The following PPP3CA variants were observed in gnomAD, a reference collection of about 807,000 sequenced individuals.
PPP3CA encodes the protein CAM-PRP catalytic subunit.
PPP3CA carries 14 observed loss-of-function variants against 66.5 expected under a neutral mutation model. The ratio of observed to expected loss-of-function variants is 0.21; its 90% CI spans 0.14 to 0.33. The LOEUF is 0.33. Ranked by LOEUF, PPP3CA falls within the 10% of genes least tolerant of loss-of-function variation. The pLI, the probability that PPP3CA is intolerant of heterozygous loss-of-function variation, is 1.00. For synonymous variants in PPP3CA, 232 were observed against 226.2 expected, an observed-to-expected ratio of 1.03 and a Z score of -0.23; for missense variants, 317 against 639.5, an observed-to-expected ratio of 0.50 and a Z score of 5.44.
chr4:101,052,139 AGGCAGTAC>A (rs1416673020), intron 10 of PPP3CA, among the ~76,000 whole-genome samples: 1 of 152,110 alleles, frequency 6.6e-6, no homozygotes, highest in Non-Finnish European at 1.5e-5. Flanking sequence ...TATGAAGAAA[AGGCAGTAC>A]TTCTGATACC....
intron 2 of PPP3CA, among the ~76,000 whole-genome samples, chr4:101,139,082 C>T (rs1325267953): frequency 6.6e-6 from 1 of 152,120 alleles, no homozygotes; most frequent in Non-Finnish European, 1.5e-5. Context: ...TGGTGGCTCA[C>T]TCCTGTAATC....
intron 1 of PPP3CA, among the ~76,000 whole-genome samples, chr4:101,284,936 AT>A (rs1158569633): frequency 6.7e-6 from 1 of 150,322 alleles, no homozygotes; most frequent in African/African-American, 2.5e-5. Context: ...ATCATTTAAA[AT>A]ATGGGGATTA....
intron 1 of PPP3CA, among the ~76,000 whole-genome samples, chr4:101,340,421 T>A (rs1251843598): frequency 6.6e-6 from 1 of 152,146 alleles, no homozygotes; most frequent in African/African-American, 2.4e-5. Flanking sequence ...AGGGCTTTTA[T>A]TTTTTTAATA....
At chr4:101,054,530 T>C (rs1728143921) in intron 10 of PPP3CA, among the ~76,000 whole-genome samples, 2 of 151,904 alleles carry the variant, frequency 1.3e-5, no homozygotes, top group Non-Finnish European at 2.9e-5. Context: ...AATACAGTTT[T>C]GGTAGAAAAT....
At position 101,273,761 on chromosome 4, in the gene PPP3CA, T is replaced by C. The variant is rs1220430269; in HGVS notation, c.58+72978A>G. ...TCTAAGGTCAGAATGAATGAAAGAA[T>C]AGAATAAAAGAACTATTCAAGCAAA... On this transcript the variant is annotated intron_variant, in intron 1 of 13. Coordinates refer to ENST00000394854, the MANE Select transcript of PPP3CA (RefSeq NM_000944.5). Among the ~76,000 whole-genome samples, 4 of 152,060 alleles carry C rather than the reference T, an allele frequency of 2.6e-5. No individual in the cohort carries two copies. The South Asian group carries it at 6.2e-4, about 24-fold the overall frequency.
chr4:101,316,162 G>T (rs895207827), intron 1 of PPP3CA, among the ~76,000 whole-genome samples: 1 of 151,636 alleles, frequency 6.6e-6, no homozygotes, highest in African/African-American at 2.4e-5. Context: ...TTCTGGCTGG[G>T]TGGCAATGTG....
rs191632955 is a variant in PPP3CA at position 101,195,165 on chromosome 4, G to A, written c.259+751C>T. Among the ~76,000 whole-genome samples the A allele has an allele frequency of 9.6e-4, 145 of 151,788 alleles. 1 individual carries two copies. The Middle Eastern group carries it at 0.017, about 18-fold the overall frequency. On this transcript the variant is annotated intron_variant, in intron 2 of 13. Coordinates refer to ENST00000394854, the MANE Select transcript of PPP3CA (RefSeq NM_000944.5). ...CACCTATAATCCCAGCTACTCGGGAGGTGGAGGCAGGAGAATTGCTTGAAC... is the reference window on the plus strand; with the variant it reads ...CACCTATAATCCCAGCTACTCGGGAAGTGGAGGCAGGAGAATTGCTTGAAC...
At chr4:101,308,648 G>C (rs560556549) in intron 1 of PPP3CA, among the ~76,000 whole-genome samples, 1 of 152,054 alleles carries the variant, frequency 6.6e-6, no homozygotes, top group Non-Finnish European at 1.5e-5. Flanking sequence ...GTCTTGCTAT[G>C]TTTCTAACTC....
At chr4:101,279,866 G>GAA (rs1469615475) in intron 1 of PPP3CA, among the ~76,000 whole-genome samples, 3 of 152,190 alleles carry the variant, frequency 2.0e-5, no homozygotes, top group Non-Finnish European at 4.4e-5. Context: ...GCACACAATG[G>GAA]AAATCTTCCT....
chr4:101,288,510 A>G (rs1198851942), intron 1 of PPP3CA, among the ~76,000 whole-genome samples: 1 of 151,188 alleles, frequency 6.6e-6, no homozygotes, highest in Non-Finnish European at 1.5e-5. Context: ...TTTTTAAAAG[A>G]AGGAAAGGAG....
At chr4:101,153,258 T>A (rs1344232676) in intron 2 of PPP3CA, among the ~76,000 whole-genome samples, 1 of 152,174 alleles carries the variant, frequency 6.6e-6, no homozygotes, top group African/African-American at 2.4e-5. Context: ...GCAGGCATTA[T>A]TTTAAAGAAA....
intron 10 of PPP3CA, among the ~76,000 whole-genome samples, chr4:101,054,817 CAT>C (rs964041434): frequency 2.6e-5 from 4 of 152,180 alleles, no homozygotes; most frequent in African/African-American, 9.6e-5. Flanking sequence ...TTATGGTTAA[CAT>C]TAGGATAAGG....
At chr4:101,048,129 A>G (rs1727849240) in intron 10 of PPP3CA, among the ~76,000 whole-genome samples, 1 of 152,132 alleles carries the variant, frequency 6.6e-6, no homozygotes, top group South Asian at 2.1e-4. Flanking sequence ...ACTATGTCTA[A>G]GGAGACCTGT....
At chr4:101,318,380 C>T (rs780082433) in intron 1 of PPP3CA, among the ~76,000 whole-genome samples, 19 of 152,078 alleles carry the variant, frequency 1.2e-4, no homozygotes, top group Non-Finnish European at 2.4e-4. Context: ...CACAAAGAAA[C>T]GTGTATTTTT....
At chr4:101,156,658 G>T (rs1217667809) in intron 2 of PPP3CA, among the ~76,000 whole-genome samples, 1 of 148,188 alleles carries the variant, frequency 6.7e-6, no homozygotes, top group Non-Finnish European at 1.5e-5. Flanking sequence ...CAACAAGAGC[G>T]AAACTGTGTC....
chr4:101,289,475 C>T (rs1010171739), intron 1 of PPP3CA, among the ~76,000 whole-genome samples: 1 of 152,208 alleles, frequency 6.6e-6, no homozygotes, highest in African/African-American at 2.4e-5. Flanking sequence ...ATGATTTCCG[C>T]TATTCTCTTT....
chr4:101,067,586 G>A (rs983444072), intron 8 of PPP3CA, among the ~76,000 whole-genome samples: 11 of 145,198 alleles, frequency 7.6e-5, no homozygotes, highest in South Asian at 2.2e-4. Flanking sequence ...AAAACATTTC[G>A]CAACATGCTC....
At chr4:101,342,814 C>T (rs952658081) in intron 1 of PPP3CA, among the ~76,000 whole-genome samples, 6 of 152,120 alleles carry the variant, frequency 3.9e-5, no homozygotes, top group African/African-American at 7.2e-5. Flanking sequence ...GGTCTAAACA[C>T]GACAGTTACT....
At chr4:101,300,725 G>GCAA (rs773335752) in intron 1 of PPP3CA, among the ~76,000 whole-genome samples, 4 of 152,238 alleles carry the variant, frequency 2.6e-5, no homozygotes, top group Non-Finnish European at 5.9e-5. Flanking sequence ...CTGCCGGGAG[G>GCAA]CAGAGGTTGC....
Sources: allele counts gnomAD v4.1 joint callset (sites outside exome capture counted in the v4.1 genomes callset), GRCh38; gene constraint gnomAD v4.1.1; transcripts MANE v1.5; gene names NCBI Gene and HGNC (gene_info 2026-07-23, HGNC 2026-07-21).